UTRN: variants seen among roughly 807,000 people sequenced by gnomAD.
UTRN encodes utrophin.
In UTRN, 283 loss-of-function variants were observed where a neutral mutation model predicts 463.9. The ratio of observed to expected loss-of-function variants is 0.61; its 90% confidence interval spans 0.55 to 0.67. The LOEUF is 0.67. Ranked by LOEUF, UTRN falls within the 30% of genes least tolerant of loss-of-function variation. UTRN has a pLI of 0.00. For synonymous variants in UTRN, 1,442 were observed against 1,431.5 expected (o/e 1.01, Z -0.17); for missense variants, 3,922 against 4,084.3 (o/e 0.96, Z 1.08).
chr6:144,748,604 T>C lies in UTRN; in HGVS notation c.8208+90T>C, dbSNP rs1791018947. 8.0e-6 allele frequency: 12 copies of C among 1,490,890 alleles called. No individual in the cohort carries two copies. In the South Asian group the frequency reaches 1.7e-4, roughly 21 times the overall value. The allele number at this position is 1,490,890 out of a possible 1,614,324, so 92.4% of individuals were successfully genotyped here. A position where few individuals can be genotyped will look rare whatever the true frequency, so the allele number is the denominator to read the frequency against. On this transcript the variant is annotated intron_variant, in intron 55 of 74. Transcript: ENST00000367545. ...AGAGAGCCACGTATATAAATTGTTATAAGGGATTGTTACAAAGCCAACGCC... is the reference window on the plus strand; with the variant it reads ...AGAGAGCCACGTATATAAATTGTTACAAGGGATTGTTACAAAGCCAACGCC...
At chr6:144,508,791 T>G (rs1009771743) in intron 34 of UTRN, among the ~76,000 whole-genome samples, 4 of 152,188 alleles carry the variant, frequency 2.6e-5, no homozygotes, top group Admixed American at 2.6e-4. Context: ...GGCTCTAACC[T>G]TCTTTCCAAA....
intron 61 of UTRN, among the ~76,000 whole-genome samples, chr6:144,784,899 A>C (rs1035020796): frequency 6.6e-6 from 1 of 152,234 alleles, no homozygotes; most frequent in Admixed American, 6.5e-5. Flanking sequence ...GAAAGATGGC[A>C]AAGACCATGC....
At chr6:144,356,256 G>T (rs750272371) in intron 2 of UTRN, among the ~76,000 whole-genome samples, 1 of 152,124 alleles carries the variant, frequency 6.6e-6, no homozygotes, top group Non-Finnish European at 1.5e-5. Context: ...TTAACAGGTT[G>T]GCATAGGCCT....
intron 51 of UTRN, among the ~76,000 whole-genome samples, chr6:144,628,720 T>G (rs1776201626): frequency 6.6e-6 from 1 of 152,226 alleles, no homozygotes; most frequent in African/African-American, 2.4e-5. Context: ...GGTTGGTATG[T>G]GACTATTAAG....
At chr6:144,574,558 G>A (rs191609227) in intron 50 of UTRN, among the ~76,000 whole-genome samples, 2 of 152,032 alleles carry the variant, frequency 1.3e-5, no homozygotes, top group African/African-American at 4.8e-5. Context: ...CAGATTTTAT[G>A]TAGACATATG....
intron 2 of UTRN, among the ~76,000 whole-genome samples, chr6:144,309,921 G>A (rs919079550): frequency 3.3e-5 from 5 of 152,176 alleles, no homozygotes; most frequent in Non-Finnish European, 7.3e-5. Context: ...CCCTCTTCTA[G>A]CAGATAACCT....
intron 54 of UTRN, among the ~76,000 whole-genome samples, chr6:144,742,074 G>A (rs796116486): frequency 2.2e-5 from 3 of 135,266 alleles, no homozygotes; most frequent in African/African-American, 9.8e-5. Context: ...ATATATCTAG[G>A]TTCTCTTTTC....
Position 144,550,515 on chromosome 6 carries a change from C to G in UTRN, c.6811-450C>G, listed in dbSNP as rs150162225. Among the ~76,000 whole-genome samples, 175 of 152,234 alleles carry G rather than the reference C, an allele frequency of 1.1e-3. 2 individuals are homozygous for G. The East Asian group carries it at 0.028, about 24-fold the overall frequency. On this transcript the variant is annotated intron_variant, in intron 47 of 74. Coordinates refer to ENST00000367545, the MANE Select transcript of UTRN (RefSeq NM_007124.3). The stretch of plus-strand genomic sequence containing the variant: ...GAGGATTTAATTTATAGTTATTCCT[C>G]TTAGCACTTTTCTGTGTCACCCCCA...
In UTRN at chr6:144,346,058, A is replaced by G. The variant is rs1777540027; in HGVS notation, c.79+54151A>G. Among the ~76,000 whole-genome samples the G allele has an allele frequency of 2.0e-5, 3 of 152,100 alleles. No homozygotes were observed. In the South Asian group the frequency reaches 6.2e-4, roughly 32 times the overall value. On this transcript the variant is annotated intron_variant, in intron 2 of 74. Coordinates refer to ENST00000367545, the MANE Select transcript of UTRN (RefSeq NM_007124.3). The stretch of plus-strand genomic sequence containing the variant: ...TCGGGCGTGGTGGCACGTGCCTGTA[A>G]TCCCAGCTACTTGGGAGGCTGAGGC...
At position 144,517,736 on chromosome 6, in the gene UTRN, G is replaced by A. The variant is rs547556788; in HGVS notation, c.5541+788G>A. 7.9e-5 allele frequency among the ~76,000 whole-genome samples: 12 copies of A among 152,120 alleles called. No homozygotes were observed. In the South Asian group the frequency reaches 1.2e-3, roughly 16 times the overall value. On this transcript the variant is annotated intron_variant, in intron 39 of 74. Coordinates refer to ENST00000367545, the MANE Select transcript of UTRN (RefSeq NM_007124.3). The stretch of plus-strand genomic sequence containing the variant: ...TGCCTATAGTATTCAGTACAATAAC[G>A]TGCTGTAAAGTTTTAGCCTAGGAGC...
intron 17 of UTRN, among the ~76,000 whole-genome samples, chr6:144,450,578 C>A (rs1329897474): frequency 6.6e-6 from 1 of 152,184 alleles, no homozygotes; most frequent in African/African-American, 2.4e-5. Flanking sequence ...CCATTGCTTA[C>A]TAGACTAGAA....
intron 2 of UTRN, chr6:144,398,047 C>T: frequency 4.2e-6 from 1 of 237,966 alleles, no homozygotes; most frequent in Non-Finnish European, 9.1e-6. Context: ...TGATGATTGG[C>T]ATTTGTATTT....
At chr6:144,451,537 C>A in intron 18 of UTRN, 44 bp downstream of exon 18, 1 of 1,552,918 alleles carries the variant, frequency 6.4e-7, no homozygotes, top group Non-Finnish European at 8.7e-7. Context: ...TAAAATAGTT[C>A]ATCATGCTGG....
chr6:144,755,068 A>G (rs1791843834), intron 57 of UTRN, among the ~76,000 whole-genome samples: 2 of 152,182 alleles, frequency 1.3e-5, no homozygotes, highest in Admixed American at 6.6e-5. Context: ...ATAGTATCAT[A>G]TCATCATTGC....
At chr6:144,737,263 G>A (rs900692159) in intron 54 of UTRN, among the ~76,000 whole-genome samples, 5 of 152,160 alleles carry the variant, frequency 3.3e-5, no homozygotes, top group Non-Finnish European at 7.3e-5. Flanking sequence ...ACACTGGTGC[G>A]ACTGTATGAA....
chr6:144,414,293 T>C (rs1024139159), intron 3 of UTRN, among the ~76,000 whole-genome samples: 1 of 152,184 alleles, frequency 6.6e-6, no homozygotes, highest in Non-Finnish European at 1.5e-5. Context: ...GTGATATTAT[T>C]GATCCTCACC....
chr6:144,621,230 G>A (rs996174657), intron 51 of UTRN, among the ~76,000 whole-genome samples: 24 of 152,102 alleles, frequency 1.6e-4, no homozygotes, highest in Non-Finnish European at 2.9e-5. Context: ...TTAGGAGTGG[G>A]AATAGCAATT....
chr6:144,289,669 A>G (rs1391260597), intron 1 of UTRN, among the ~76,000 whole-genome samples: 1 of 150,222 alleles, frequency 6.7e-6, no homozygotes, highest in Non-Finnish European at 1.5e-5. Context: ...TTTTTTTGAG[A>G]TGGAATTTTG....
chr6:144,553,292 C>T (rs142027271), intron 48 of UTRN, among the ~76,000 whole-genome samples: 3 of 152,054 alleles, frequency 2.0e-5, no homozygotes, highest in African/African-American at 4.8e-5. Context: ...CCTGCCTCGG[C>T]CTCCCAAAGT....
Sources: allele counts gnomAD v4.1 joint callset (sites outside exome capture counted in the v4.1 genomes callset), GRCh38; gene constraint gnomAD v4.1.1; transcripts MANE v1.5; gene names NCBI Gene and HGNC (gene_info 2026-07-23, HGNC 2026-07-21).